The following OAS2 variants were observed in gnomAD, a reference collection of about 807,000 sequenced individuals.
OAS2 encodes the protein 2'-5'-oligoadenylate synthetase 2.
Under a neutral mutation model 71.3 loss-of-function variants are expected in OAS2, and 67 were observed. That is an observed-to-expected ratio of 0.94 (90% CI 0.77 to 1.15). The LOEUF (loss-of-function observed/expected upper bound fraction) is 1.15, where lower values mean the gene tolerates loss of function less well. Among genes scored for constraint, OAS2 ranks in the 50% most tolerant of loss-of-function variants. OAS2 has a pLI of 0.00. For synonymous variants in OAS2, 327 were observed against 321.8 expected (o/e 1.02, Z -0.17); for missense variants, 789 against 822.5 (o/e 0.96, Z 0.50).
intron 1 of OAS2, among the ~76,000 whole-genome samples, chr12:112,984,926 C>T (rs997130219): frequency 4.0e-5 from 6 of 148,706 alleles, no homozygotes; most frequent in Non-Finnish European, 7.5e-5. Flanking sequence ...TGCTGGGTAT[C>T]GTATTCTTGT....
intron 2 of OAS2, among the ~76,000 whole-genome samples, chr12:112,990,342 G>A (rs1178996165): frequency 6.6e-6 from 1 of 152,210 alleles, no homozygotes; most frequent in Non-Finnish European, 1.5e-5. Flanking sequence ...ATTCAGCCTG[G>A]AAAGGCAAAA....
At chr12:112,983,346 C>G (rs2044101086) in intron 1 of OAS2, among the ~76,000 whole-genome samples, 1 of 152,122 alleles carries the variant, frequency 6.6e-6, no homozygotes. Context: ...CTGCCTCAGC[C>G]TCCTGAGTAG....
intron 5 of OAS2, among the ~76,000 whole-genome samples, chr12:113,002,268 C>T (rs2044296488): frequency 6.6e-6 from 1 of 152,146 alleles, no homozygotes; most frequent in Non-Finnish European, 1.5e-5. Flanking sequence ...AACATCAGGC[C>T]AAACCAGGTA....
At chr12:112,994,228 G>A (rs1055977950) in intron 2 of OAS2, among the ~76,000 whole-genome samples, 2 of 151,918 alleles carry the variant, frequency 1.3e-5, no homozygotes, top group African/African-American at 4.8e-5. Context: ...CTGCTATATA[G>A]AACCCTAACT....
Position 113,006,608 on chromosome 12 carries a change from C to T in OAS2, c.1656+8C>T, listed in dbSNP as rs1291141290. 5 of 1,588,660 alleles carry T rather than the reference C, an allele frequency of 3.1e-6. No individual in the cohort carries two copies. In the African/African-American group the frequency reaches 5.4e-5, roughly 17 times the overall value. Reference sequence around the variant, plus strand: ...AAGCACTGGTACAAAGAGGTAAGGACAGTCTTTGTTCTGACCATGGGGTTA... The same window carrying T: ...AAGCACTGGTACAAAGAGGTAAGGATAGTCTTTGTTCTGACCATGGGGTTA... On this transcript the variant is annotated splice_region_variant and intron_variant, in intron 8 of 9. Coordinates refer to ENST00000392583, the MANE Select transcript of OAS2 (RefSeq NM_002535.3).
intron 5 of OAS2, among the ~76,000 whole-genome samples, chr12:113,000,553 C>T (rs866834543): frequency 4.0e-5 from 6 of 151,278 alleles, no homozygotes; most frequent in Admixed American, 6.6e-5. Flanking sequence ...CACACATGTA[C>T]TCACACCATG....
chr12:112,989,851 CT>C (rs1188269974), intron 2 of OAS2, among the ~76,000 whole-genome samples: 1 of 152,068 alleles, frequency 6.6e-6, no homozygotes, highest in Non-Finnish European at 1.5e-5. Flanking sequence ...GTTTATATAC[CT>C]AAGCCAGGAT....
In OAS2 at chr12:112,997,746, A is replaced by C. The variant is rs2044249000; in HGVS notation, c.854A>C (p.Gln285Pro). 1 of 1,588,294 alleles carries C rather than the reference A, an allele frequency of 6.3e-7. No homozygotes were observed. Among genetic ancestry groups the C allele is most frequent in the Admixed American group, 1.7e-5 (1 of 57,260 alleles). ...TIRNILLHQLQSARPVILDPV... is the reference protein window; with the variant it reads ...TIRNILLHQLPSARPVILDPV... ...AGGAACATCCTGCTGCACCAGCTCCAATCAGCGAGGTGCCAAGCTTCTCAC... is the reference window on the plus strand; with the variant it reads ...AGGAACATCCTGCTGCACCAGCTCCCATCAGCGAGGTGCCAAGCTTCTCAC... Residue 285 changes from glutamine to proline, a missense_variant, in exon 4 of 10, where the codon CAA becomes CCA. Gln to Pro is a moderately conservative substitution (Grantham distance 76, BLOSUM62 -1). Coordinates refer to ENST00000392583, the MANE Select transcript of OAS2 (RefSeq NM_002535.3).
At chr12:113,009,011 G>A in intron 9 of OAS2, 76 bp from the exon 10 acceptor site, 1 of 1,549,128 alleles carries the variant, frequency 6.5e-7, no homozygotes, top group Middle Eastern at 2.4e-4. Context: ...ATTGCTGAAA[G>A]TATTATAGGA....
chr12:112,992,790 C>A (rs1270473732), intron 2 of OAS2, among the ~76,000 whole-genome samples: 1 of 152,038 alleles, frequency 6.6e-6, no homozygotes, highest in East Asian at 1.9e-4. Context: ...GATTCCAGGG[C>A]CATTAGGATG....
At position 113,009,313 on chromosome 12, in the gene OAS2, C is replaced by T. The variant is rs2044360873; in HGVS notation, c.*58C>T. On this transcript the variant is annotated 3_prime_UTR_variant, in exon 10 of 10. Transcript: ENST00000392583. ...GGCTTGAATCAAAGAACTTCTCCTA[C>T]TGTAGCAACCTGAAATTAACTCAGA... The T allele has an allele frequency of 6.3e-7, 1 of 1,575,280 alleles. No individual in the cohort carries two copies. Among genetic ancestry groups the T allele is most frequent in the Non-Finnish European group, 8.6e-7 (1 of 1,163,228 alleles).
intron 5 of OAS2, among the ~76,000 whole-genome samples, chr12:113,001,395 T>TGC (rs2044286122): frequency 6.7e-6 from 1 of 149,138 alleles, no homozygotes; most frequent in African/African-American, 2.5e-5. Flanking sequence ...TACACATATA[T>TGC]ATACACATAT....
rs748498814 is a variant in OAS2, at chr12:113,003,071, G to A, written c.1148G>A (p.Arg383Gln). The change falls in exon 6 of 10, where the codon CGA becomes CAA. Residue 383 changes from arginine (R) to glutamine (Q), a missense_variant. Physicochemically the swap from Arg to Gln is conservative, Grantham distance 43 (BLOSUM62 1). Coordinates refer to ENST00000392583, the MANE Select transcript of OAS2 (RefSeq NM_002535.3). ...IRTFLKENCF[R>Q]QSTAKIQIVR... is the part of the protein sequence containing the mutation. The stretch of plus-strand genomic sequence containing the variant: ...ACATTCCTTAAAGAAAACTGCTTCC[G>A]ACAATCAACAGCCAAGATCCAGATT... The A allele has an allele frequency of 1.3e-5, 21 of 1,613,974 alleles. No homozygotes were observed. In the East Asian group the frequency reaches 1.3e-4, roughly 10 times the overall value.
In OAS2 at chr12:113,010,343, A is replaced by C; in HGVS notation, c.*1088A>C. ...GCAATGATTGTAACTATTAGGAGAC[A>C]TTGCTCTCCCACGTATGTTTTTCTT... is the stretch of plus-strand genomic sequence containing the variant. On this transcript the variant is annotated 3_prime_UTR_variant, in exon 10 of 10. Transcript: ENST00000392583. The C allele has an allele frequency of 6.2e-7, 1 of 1,604,518 alleles. No individual in the cohort carries two copies. The highest frequency in any genetic ancestry group is 1.7e-5 in the Admixed American group (1 of 57,814).
chr12:113,008,614 G>A (rs528317595), intron 9 of OAS2, among the ~76,000 whole-genome samples: 1 of 152,190 alleles, frequency 6.6e-6, no homozygotes, highest in East Asian at 1.9e-4. Flanking sequence ...CTAGGAAGTT[G>A]CTTTGGTTTT....
intron 4 of OAS2, 142 bp from the exon 5 acceptor site, chr12:112,998,124 C>A (rs578011950): frequency 2.3e-6 from 2 of 866,166 alleles, no homozygotes; most frequent in Non-Finnish European, 1.8e-6. Flanking sequence ...ATGTCGTAGA[C>A]AAAATCCCTC....
intron 2 of OAS2, among the ~76,000 whole-genome samples, chr12:112,991,705 G>T (rs1344254069): frequency 2.0e-5 from 3 of 152,178 alleles, no homozygotes; most frequent in African/African-American, 7.2e-5. Flanking sequence ...AGAATGGGAG[G>T]CAGGTTTGTC....
In OAS2 at chr12:112,987,148, C is replaced by T. The variant is rs374767074; in HGVS notation, c.288C>T (p.Asp96=). 3.7e-6 allele frequency: 6 copies of T among 1,614,094 alleles called. No homozygotes were observed. Among genetic ancestry groups the T allele is most frequent in the East Asian group, 4.5e-5 (2 of 44,898 alleles). ...AGGATCAGAAGAGAAGCCAACGTGA[C>T]ATCCTCGATAAAACTGGGGATAAGC... ...QFQDQKRSQR[D]ILDKTGDKLK... is the part of the protein sequence containing the mutation. Residue 96 remains aspartate, a synonymous_variant, in exon 2 of 10, where the codon GAC becomes GAT. Coordinates refer to ENST00000392583, the MANE Select transcript of OAS2 (RefSeq NM_002535.3).
In OAS2 at chr12:112,987,064, C is replaced by G; in HGVS notation, c.204C>G (p.Val68=). The change falls in exon 2 of 10, where the codon GTC becomes GTG. Residue 68 remains valine, a synonymous_variant. Coordinates refer to ENST00000392583, the MANE Select transcript of OAS2 (RefSeq NM_002535.3). ...GTGGCTCCTATGGACGGAAAACAGT[C>G]TTAAGAGGCAACTCCGATGGTACCC... ...AIGGSYGRKT[V]LRGNSDGTLV... 2 of 1,613,728 alleles carry G rather than the reference C, an allele frequency of 1.2e-6. No individual in the cohort carries two copies. The highest frequency in any genetic ancestry group is 1.7e-6 in the Non-Finnish European group (2 of 1,179,680).
Sources: gnomAD v4.1 joint callset for allele counts (sites outside exome capture counted in the v4.1 genomes callset) on GRCh38, gnomAD v4.1.1 for gene constraint, MANE v1.5 for transcripts, NCBI Gene and HGNC (gene_info 2026-07-23, HGNC 2026-07-21) for gene names.